The following TMEM65 variants were observed in gnomAD, a reference collection of about 807,000 sequenced individuals.
TMEM65 encodes the protein transmembrane protein 65.
In TMEM65, 22 loss-of-function variants were observed where a neutral mutation model predicts 25.4. The ratio of observed to expected loss-of-function variants is 0.86; its 90% CI spans 0.62 to 1.23. The LOEUF (loss-of-function observed/expected upper bound fraction) is 1.23. Among genes scored for constraint, TMEM65 ranks in the 50% most tolerant of loss-of-function variants. The pLI, the probability that TMEM65 is intolerant of heterozygous loss-of-function variation, is 0.00. For synonymous variants in TMEM65, 132 were observed against 126.2 expected (o/e 1.05, Z -0.31); for missense variants, 262 against 308.2 (o/e 0.85, Z 1.12).
intron 1 of TMEM65, among the ~76,000 whole-genome samples, chr8:124,332,650 G>C (rs955302144): frequency 2.0e-5 from 3 of 151,974 alleles, no homozygotes; most frequent in Non-Finnish European, 4.4e-5. Context: ...ATACAACAGG[G>C]AGGAAAACTA....
At chr8:124,335,819 A>G (rs1370516150) in intron 1 of TMEM65, among the ~76,000 whole-genome samples, 1 of 152,072 alleles carries the variant, frequency 6.6e-6, no homozygotes, top group East Asian at 1.9e-4. Flanking sequence ...AAAGGAAAAC[A>G]GAAACAAAAA....
chr8:124,316,668 A>T (rs1422916427), intron 6 of TMEM65, among the ~76,000 whole-genome samples: 1 of 152,196 alleles, frequency 6.6e-6, no homozygotes, highest in Non-Finnish European at 1.5e-5. Flanking sequence ...AGAGAAGAGA[A>T]AATGAACCTG....
chr8:124,362,610 C>A (rs1814882407), intron 1 of TMEM65, among the ~76,000 whole-genome samples: 1 of 126,350 alleles, frequency 7.9e-6, no homozygotes, highest in South Asian at 2.6e-4. Context: ...TGCAGTGAGC[C>A]AAGATCATGC....
intron 1 of TMEM65, among the ~76,000 whole-genome samples, chr8:124,334,545 C>G (rs1052031300): frequency 1.3e-5 from 2 of 151,734 alleles, no homozygotes; most frequent in Admixed American, 1.3e-4. Flanking sequence ...GTGGGTGGGT[C>G]ACAAGGTCAG....
intron 6 of TMEM65, among the ~76,000 whole-genome samples, chr8:124,314,285 C>A (rs1055245109): frequency 2.0e-5 from 3 of 152,180 alleles, no homozygotes; most frequent in African/African-American, 7.2e-5. Context: ...CATAGCCACA[C>A]ATTTTCTCAC....
intron 1 of TMEM65, among the ~76,000 whole-genome samples, chr8:124,333,161 T>C (rs950038832): frequency 2.0e-5 from 3 of 146,732 alleles, no homozygotes; most frequent in African/African-American, 5.2e-5. Context: ...AAACAAAACA[T>C]ACATCAGAAG....
intron 1 of TMEM65, among the ~76,000 whole-genome samples, chr8:124,369,156 CT>C (rs1814978600): frequency 6.6e-6 from 1 of 152,116 alleles, no homozygotes; most frequent in South Asian, 2.1e-4. Context: ...AGAGATCAGG[CT>C]GAGCAGGTAA....
At chr8:124,321,822 T>C (rs967330943) in intron 5 of TMEM65, among the ~76,000 whole-genome samples, 4 of 152,154 alleles carry the variant, frequency 2.6e-5, no homozygotes, top group African/African-American at 7.2e-5. Flanking sequence ...GAATAAACTT[T>C]TGCATACATC....
chr8:124,368,907 G>A (rs1184705100), intron 1 of TMEM65, among the ~76,000 whole-genome samples: 3 of 152,086 alleles, frequency 2.0e-5, no homozygotes, highest in African/African-American at 4.8e-5. Context: ...TTGTTATACC[G>A]CAATGGATAA....
chr8:124,307,882 A>G lies in TMEM65; in HGVS notation c.*6078T>C, dbSNP rs1814112614. 1 of 152,332 alleles carries G rather than the reference A, an allele frequency of 6.6e-6. No homozygotes were observed. The highest frequency in any genetic ancestry group is 2.1e-4 in the South Asian group (1 of 4,824). The allele number at this position is 152,332 out of a possible 1,614,324, so 9.4% of individuals were successfully genotyped here. A position where few individuals can be genotyped will look rare whatever the true frequency, so the allele number is the denominator to read the frequency against. ...AAGTGCCCTATTATGGAAAAATAATAATATGCCACAAAGAACATTTATTAG... is the reference window on the plus strand; with the variant it reads ...AAGTGCCCTATTATGGAAAAATAATGATATGCCACAAAGAACATTTATTAG... On this transcript the variant is annotated 3_prime_UTR_variant, in exon 7 of 7. Transcript: ENST00000297632.
intron 1 of TMEM65, among the ~76,000 whole-genome samples, chr8:124,371,135 C>T (rs756862605): frequency 3.3e-5 from 5 of 152,224 alleles, no homozygotes; most frequent in Non-Finnish European, 5.9e-5. Flanking sequence ...TTTTGAGCAT[C>T]AGTCTGACTT....
Position 124,313,943 on chromosome 8 carries a change from T to A in TMEM65, c.*17A>T. The A allele has an allele frequency of 6.5e-7, 1 of 1,545,370 alleles. No homozygotes were observed. On this transcript the variant is annotated 3_prime_UTR_variant, in exon 7 of 7. Transcript: ENST00000297632. The stretch of plus-strand genomic sequence containing the variant: ...AGGTACATTAGTTTACATCTTTTTA[T>A]AGGTATTCTAAGAGGATTAACTTTT...
intron 1 of TMEM65, among the ~76,000 whole-genome samples, chr8:124,368,082 C>T (rs1430588325): frequency 1.3e-5 from 2 of 151,086 alleles, no homozygotes; most frequent in Non-Finnish European, 2.9e-5. Flanking sequence ...CTCTGATGAG[C>T]ATTAATTACA....
chr8:124,335,699 T>G (rs1814497792), intron 1 of TMEM65, among the ~76,000 whole-genome samples: 1 of 152,060 alleles, frequency 6.6e-6, no homozygotes, highest in South Asian at 2.1e-4. Context: ...CTGTAATCCC[T>G]AGAGTAACTA....
chr8:124,344,116 C>T (rs1334750035), intron 1 of TMEM65, among the ~76,000 whole-genome samples: 3 of 152,184 alleles, frequency 2.0e-5, no homozygotes, highest in Non-Finnish European at 2.9e-5. Context: ...CTCCAAGATA[C>T]ATTTTTATCT....
At chr8:124,362,380 G>C (rs1006283554) in intron 1 of TMEM65, among the ~76,000 whole-genome samples, 1 of 151,998 alleles carries the variant, frequency 6.6e-6, no homozygotes, top group Non-Finnish European at 1.5e-5. Context: ...AGAAAAAATT[G>C]GCTGGTCGCA....
At chr8:124,323,193 G>A in intron 4 of TMEM65, 128 bp downstream of exon 4, 1 of 545,394 alleles carries the variant, frequency 1.8e-6, no homozygotes, top group Non-Finnish European at 3.2e-6. Context: ...AGAAGAATAG[G>A]ATGAAGAAAA....
chr8:124,327,077 A>G (rs1226527037), intron 3 of TMEM65, among the ~76,000 whole-genome samples: 1 of 152,048 alleles, frequency 6.6e-6, no homozygotes, highest in Non-Finnish European at 1.5e-5. Context: ...TTTATTAAGA[A>G]TGTTGAAATT....
In TMEM65 at chr8:124,306,204, C is replaced by T. The variant is rs1814090631; in HGVS notation, c.*7756G>A. On this transcript the variant is annotated 3_prime_UTR_variant, in exon 7 of 7. Coordinates refer to ENST00000297632, the MANE Select transcript of TMEM65 (RefSeq NM_194291.3). Reference sequence around the variant, plus strand: ...AACCATTAGCTCCATTAACCCAACACAAGTTTATTTACTAAGTCAAGTCAA... The same window carrying T: ...AACCATTAGCTCCATTAACCCAACATAAGTTTATTTACTAAGTCAAGTCAA... The T allele has an allele frequency of 6.6e-6, 1 of 152,180 alleles. No individual in the cohort carries two copies. The highest frequency in any genetic ancestry group is 1.5e-5 in the Non-Finnish European group (1 of 68,028). 9.4% of individuals were successfully genotyped at this position (152,180 alleles called of 1,614,324 possible). A position where few individuals can be genotyped will look rare whatever the true frequency, so the allele number is the denominator to read the frequency against.
Sources: gnomAD v4.1 joint callset for allele counts (sites outside exome capture counted in the v4.1 genomes callset) on GRCh38, gnomAD v4.1.1 for gene constraint, MANE v1.5 for transcripts, NCBI Gene and HGNC (gene_info 2026-07-23, HGNC 2026-07-21) for gene names.